Variants in BRDT observed in about 807,000 individuals in gnomAD.
BRDT encodes bromodomain testis associated, also known as bromodomain testis-specific protein.
BRDT carries 77 observed loss-of-function variants against 113.9 expected under a neutral mutation model. The observed-to-expected ratio is 0.68, with a 90% CI of 0.56 to 0.82. The LOEUF is 0.82. BRDT is among the 40% of genes least tolerant of loss of function. The probability of loss-of-function intolerance (pLI) is 0.00; values close to 1 mark genes in which losing one functional copy is unlikely to be tolerated. For missense variants in BRDT, 1,027 were observed against 1,105.4 expected, an observed-to-expected ratio of 0.93 and a Z score of 1.01; for synonymous variants, 358 against 366.5, an observed-to-expected ratio of 0.98 and a Z score of 0.26.
In BRDT at chr1:91,967,106, A is replaced by T. The variant is rs112938483; in HGVS notation, c.331-1040A>T. On this transcript the variant is annotated intron_variant, in intron 3 of 18. Coordinates refer to ENST00000399546, the MANE Select transcript of BRDT (RefSeq NM_207189.4). ...TAGAGTTGGCTTAGAAAAAAATATT[A>T]AAAAATTGAGTCAGTGCTACAGTGT... Among the ~76,000 whole-genome samples the T allele has an allele frequency of 9.2e-3, 1,395 of 152,278 alleles. 19 individuals carry two copies. The highest frequency in any genetic ancestry group is 0.023 in the African/African-American group (952 of 41,552).
chr1:91,975,831 G>A (rs1275101543), intron 4 of BRDT, among the ~76,000 whole-genome samples: 1 of 152,232 alleles, frequency 6.6e-6, no homozygotes, highest in African/African-American at 2.4e-5. Context: ...GTATTGATAA[G>A]AGAATCCTAT....
At chr1:92,008,714 A>G (rs1376196761) in intron 18 of BRDT, among the ~76,000 whole-genome samples, 1 of 152,160 alleles carries the variant, frequency 6.6e-6, no homozygotes, top group Non-Finnish European at 1.5e-5. Flanking sequence ...CTGTCTCCAC[A>G]GGTTTATCTT....
At chr1:91,972,550 C>T (rs1046705930) in intron 4 of BRDT, among the ~76,000 whole-genome samples, 14 of 152,186 alleles carry the variant, frequency 9.2e-5, no homozygotes, top group African/African-American at 2.2e-4. Context: ...GTGTCCAACA[C>T]GCAATAGGCA....
chr1:91,993,191 A>G (rs969135638), intron 14 of BRDT, among the ~76,000 whole-genome samples: 1 of 152,218 alleles, frequency 6.6e-6, no homozygotes, highest in African/African-American at 2.4e-5. Context: ...TGTAATAAAC[A>G]TTCCTATAGC....
chr1:91,992,490 G>GTA (rs1685888595), intron 14 of BRDT, among the ~76,000 whole-genome samples, 176 bp downstream of exon 14: 1 of 151,340 alleles, frequency 6.6e-6, no homozygotes, highest in Non-Finnish European at 1.5e-5. Flanking sequence ...ATGGCTTGGA[G>GTA]TATATAACAG....
chr1:92,012,575 A>T (rs1175075269), intron 18 of BRDT, among the ~76,000 whole-genome samples: 1 of 152,196 alleles, frequency 6.6e-6, no homozygotes, highest in Non-Finnish European at 1.5e-5. Context: ...TAAAGGAAAA[A>T]TCTGTGCTAG....
At chr1:91,970,380 C>T (rs1683507303) in intron 4 of BRDT, among the ~76,000 whole-genome samples, 1 of 152,154 alleles carries the variant, frequency 6.6e-6, no homozygotes, top group Non-Finnish European at 1.5e-5. Context: ...GGTCCTCCCA[C>T]TTTAGCCTCC....
chr1:91,968,073 T>C (rs1683249310), intron 3 of BRDT, 73 bp from the exon 4 acceptor site: 1 of 1,488,314 alleles, frequency 6.7e-7, no homozygotes, highest in Non-Finnish European at 9.1e-7. Flanking sequence ...TTCCATAAAG[T>C]GGGCTGAATT....
At chr1:91,976,589 T>G in intron 5 of BRDT, 151 bp downstream of exon 5, 1 of 759,422 alleles carries the variant, frequency 1.3e-6, no homozygotes, top group Non-Finnish European at 1.9e-6. Flanking sequence ...TCCGCCTCTC[T>G]ATGCATTTTA....
At chr1:92,005,359 G>C in intron 18 of BRDT, 60 bp downstream of exon 18, 1 of 1,400,220 alleles carries the variant, frequency 7.1e-7, no homozygotes, top group Non-Finnish European at 9.4e-7. Flanking sequence ...ACAGAGCACT[G>C]TCTTTTGTAT....
At chr1:92,003,948 T>G (rs922409973) in intron 16 of BRDT, among the ~76,000 whole-genome samples, 5 of 152,178 alleles carry the variant, frequency 3.3e-5, no homozygotes, top group Non-Finnish European at 7.4e-5. Context: ...CTTAAGTTTT[T>G]TCTTCTTAAC....
At chr1:91,985,046 T>C (rs1360212090) in intron 12 of BRDT, among the ~76,000 whole-genome samples, 1 of 152,090 alleles carries the variant, frequency 6.6e-6, no homozygotes, top group Admixed American at 6.6e-5. Flanking sequence ...CTTTTGATTA[T>C]TTATTGAAGA....
At chr1:91,953,280 A>G (rs560800765) in intron 1 of BRDT, among the ~76,000 whole-genome samples, 4 of 152,310 alleles carry the variant, frequency 2.6e-5, no homozygotes, top group East Asian at 3.9e-4. Context: ...GACCTCCAGA[A>G]TCCAAGCTCT....
rs1285042618 is a variant in BRDT, at chr1:91,962,854, T to C, written c.100T>C (p.Tyr34His). ...TGGGCGATTGACAAATCAACTTCAG[T>C]ATCTACAAAAAGTTGTCCTAAAGGA... ...KNGRLTNQLQ[Y>H]LQKVVLKDLW... Residue 34 changes from tyrosine to histidine, a missense_variant, in exon 2 of 19, where the codon TAT becomes CAT. Coordinates refer to ENST00000399546, the MANE Select transcript of BRDT (RefSeq NM_207189.4). The C allele has an allele frequency of 5.6e-6, 9 of 1,613,040 alleles. No individual in the cohort carries two copies. Among genetic ancestry groups the C allele is most frequent in the African/African-American group, 1.3e-5 (1 of 74,876 alleles).
intron 1 of BRDT, among the ~76,000 whole-genome samples, chr1:91,960,246 A>G (rs1010931896): frequency 5.3e-5 from 8 of 152,198 alleles, no homozygotes; most frequent in Non-Finnish European, 1.0e-4. Context: ...TTGTAAACCC[A>G]TGTTCATAGC....
chr1:91,968,431 G>C (rs1452650489), intron 4 of BRDT, among the ~76,000 whole-genome samples, 171 bp downstream of exon 4: 1 of 152,118 alleles, frequency 6.6e-6, no homozygotes, highest in Admixed American at 6.6e-5. Context: ...CACAAGGATG[G>C]GTATCATTCA....
Position 91,976,262 on chromosome 1 carries a change from C to G in BRDT, c.446-4C>G. On this transcript the variant is annotated splice_region_variant and splice_polypyrimidine_tract_variant and intron_variant, in intron 4 of 18. Coordinates refer to ENST00000399546, the MANE Select transcript of BRDT (RefSeq NM_207189.4). ...ATATTTGATTCTGGCTCATACTTTTCCAGGCACTCAACAGAATATAGCTGT... is the reference window on the plus strand; with the variant it reads ...ATATTTGATTCTGGCTCATACTTTTGCAGGCACTCAACAGAATATAGCTGT... 1 of 1,580,752 alleles carries G rather than the reference C, an allele frequency of 6.3e-7. No individual in the cohort carries two copies. Among genetic ancestry groups the G allele is most frequent in the Non-Finnish European group, 8.6e-7 (1 of 1,167,488 alleles).
chr1:91,957,960 C>G (rs1388187676), intron 1 of BRDT, among the ~76,000 whole-genome samples: 1 of 152,100 alleles, frequency 6.6e-6, no homozygotes. Flanking sequence ...GTGCCTCAGC[C>G]TCCAAGCAGC....
chr1:91,959,309 T>C (rs1682155603), intron 1 of BRDT, among the ~76,000 whole-genome samples: 1 of 152,052 alleles, frequency 6.6e-6, no homozygotes, highest in African/African-American at 2.4e-5. Context: ...CAGGGGCACC[T>C]AAAAAGTAGG....
Sources: allele counts gnomAD v4.1 joint callset (sites outside exome capture counted in the v4.1 genomes callset), GRCh38; gene constraint gnomAD v4.1.1; transcripts MANE v1.5; gene names NCBI Gene and HGNC (gene_info 2026-07-23, HGNC 2026-07-21).